The following ASPH variants were observed in gnomAD, a reference collection of about 807,000 sequenced individuals.
ASPH encodes the protein aspartate beta-hydroxylase.
In ASPH, 100 loss-of-function variants were observed where a neutral mutation model predicts 118.4. The ratio of observed to expected loss-of-function variants is 0.84; its 90% CI spans 0.72 to 1.00. ASPH has a LOEUF of 1.00. ASPH is among the 50% of genes least tolerant of loss of function. ASPH has a pLI of 0.00. For missense variants in ASPH, 920 were observed against 919.5 expected (o/e 1.00, Z -0.01); for synonymous variants, 315 against 325.6 (o/e 0.97, Z 0.35).
intron 21 of ASPH, among the ~76,000 whole-genome samples, chr8:61,546,568 C>G (rs776103790): frequency 3.2e-4 from 49 of 152,202 alleles, no homozygotes; most frequent in Non-Finnish European, 6.2e-4. Flanking sequence ...AAAAATCAAT[C>G]TGTATTAATT....
At chr8:61,628,060 C>T (rs1037342704) in intron 13 of ASPH, among the ~76,000 whole-genome samples, 3 of 152,088 alleles carry the variant, frequency 2.0e-5, no homozygotes, top group Non-Finnish European at 4.4e-5. Context: ...TCTTACTAGT[C>T]TCTACCTCCT....
At chr8:61,668,836 T>A (rs373386038) in intron 3 of ASPH, among the ~76,000 whole-genome samples, 1 of 152,216 alleles carries the variant, frequency 6.6e-6, no homozygotes, top group Non-Finnish European at 1.5e-5. Flanking sequence ...CTCTAAAAAC[T>A]TTGCAATAGC....
rs1245419350 is a variant in ASPH, at chr8:61,502,474, C to T, written c.*885G>A. 1.3e-5 allele frequency: 2 copies of T among 152,160 alleles called. No individual in the cohort carries two copies. Among genetic ancestry groups the T allele is most frequent in the African/African-American group, 4.8e-5 (2 of 41,424 alleles). 9.4% of individuals were successfully genotyped at this position (152,160 alleles called of 1,614,324 possible). On this transcript the variant is annotated 3_prime_UTR_variant, in exon 25 of 25. Coordinates refer to ENST00000379454, the MANE Select transcript of ASPH (RefSeq NM_004318.4). ...GGCAAAGCCGCCAGGAGCCAGACAC[C>T]CTAGCAGCCACCTATCCACCCAACC...
intron 24 of ASPH, among the ~76,000 whole-genome samples, chr8:61,505,655 A>G (rs775037715): frequency 5.3e-5 from 8 of 152,126 alleles, no homozygotes; most frequent in Non-Finnish European, 1.0e-4. Flanking sequence ...ACCTTGCCTC[A>G]TCTCTTGCAT....
chr8:61,570,431 G>C lies in ASPH; in HGVS notation c.1150-3113C>G, dbSNP rs147682699. 1.3e-3 allele frequency among the ~76,000 whole-genome samples: 205 copies of C among 152,212 alleles called. 2 individuals carry two copies. Among genetic ancestry groups the C allele is most frequent in the African/African-American group, 4.9e-3 (202 of 41,534 alleles). On this transcript the variant is annotated intron_variant, in intron 16 of 24. Transcript: ENST00000379454. ...AACTGGAGGTCTCTGTAGCATTAGTGGGAGGACAAATGCCTACCAAGATAA... is the reference window on the plus strand; with the variant it reads ...AACTGGAGGTCTCTGTAGCATTAGTCGGAGGACAAATGCCTACCAAGATAA...
At position 61,588,757 on chromosome 8, in the gene ASPH, C is replaced by G. The variant is rs1292290897; in HGVS notation, c.977-4728G>C. On this transcript the variant is annotated intron_variant, in intron 14 of 24. Transcript: ENST00000379454. ...GGATGCCCTCCTAGCAATCCTGCTC[C>G]TAATTACGGACCCAAGAAAAATGAA... Among the ~76,000 whole-genome samples, 3 of 152,162 alleles carry G rather than the reference C, an allele frequency of 2.0e-5. No homozygotes were observed. The East Asian group carries it at 5.8e-4, about 29-fold the overall frequency.
chr8:61,659,930 T>C (rs1815880132), intron 3 of ASPH: 1 of 152,116 alleles, frequency 6.6e-6, no homozygotes, highest in African/African-American at 2.4e-5. Context: ...AAACTATTGT[T>C]GACCAATAAT....
At chr8:61,607,443 C>A (rs1845919647) in intron 14 of ASPH, 2 of 577,684 alleles carry the variant, frequency 3.5e-6, no homozygotes, top group African/African-American at 1.9e-5. Context: ...TCTACCATGA[C>A]CAACTCAACA....
At chr8:61,535,175 A>G (rs1819035353) in intron 21 of ASPH, among the ~76,000 whole-genome samples, 1 of 152,236 alleles carries the variant, frequency 6.6e-6, no homozygotes, top group Non-Finnish European at 1.5e-5. Context: ...CGTGGGGAGT[A>G]GAATTTCAGA....
At chr8:61,570,768 G>A (rs868783048) in intron 16 of ASPH, among the ~76,000 whole-genome samples, 196 of 152,270 alleles carry the variant, frequency 1.3e-3, no homozygotes, top group African/African-American at 4.5e-3. Flanking sequence ...TGTTAACATC[G>A]CAAAGCCTTT....
chr8:61,562,293 T>TGAGC (rs75259009), intron 18 of ASPH, among the ~76,000 whole-genome samples: 1 of 144,626 alleles, frequency 6.9e-6, no homozygotes, highest in Non-Finnish European at 1.5e-5. Context: ...TGCTGAAAAG[T>TGAGC]AATTTATGTC....
At chr8:61,536,481 A>G (rs919236146) in intron 21 of ASPH, among the ~76,000 whole-genome samples, 1 of 152,200 alleles carries the variant, frequency 6.6e-6, no homozygotes, top group African/African-American at 2.4e-5. Flanking sequence ...GCAGAGGAGT[A>G]GGAAAGCTTT....
At chr8:61,647,383 T>C (rs1246524370) in intron 5 of ASPH, among the ~76,000 whole-genome samples, 5 of 152,164 alleles carry the variant, frequency 3.3e-5, no homozygotes, top group East Asian at 3.9e-4. Context: ...CTAAATTATA[T>C]GCTAGGGCCA....
intron 13 of ASPH, chr8:61,624,644 G>A (rs928946007): frequency 1.0e-6 from 1 of 985,128 alleles, no homozygotes; most frequent in Non-Finnish European, 1.2e-6. Context: ...TAAAGACAAG[G>A]CTCATTAATT....
At chr8:61,579,682 C>T (rs1022271256) in intron 15 of ASPH, 29 of 1,289,642 alleles carry the variant, frequency 2.2e-5, no homozygotes, top group Middle Eastern at 2.3e-4. Context: ...ACAGCTGTGG[C>T]AGCCCCTCCC....
chr8:61,619,244 C>T (rs1391191618), intron 13 of ASPH, among the ~76,000 whole-genome samples: 1 of 152,156 alleles, frequency 6.6e-6, no homozygotes, highest in Non-Finnish European at 1.5e-5. Flanking sequence ...TCACCAAGCA[C>T]TGACTAGGCA....
chr8:61,653,744 C>T, intron 3 of ASPH, 84 bp from the exon 4 acceptor site: 6 of 1,348,154 alleles, frequency 4.5e-6, no homozygotes, highest in South Asian at 4.1e-5. Context: ...TATTTTCAAA[C>T]ATTTAATTAA....
intron 16 of ASPH, among the ~76,000 whole-genome samples, chr8:61,574,704 G>A (rs1357323662): frequency 1.3e-5 from 2 of 152,124 alleles, no homozygotes; most frequent in African/African-American, 2.4e-5. Context: ...GTCGGGTGGG[G>A]GGCTAGGGGA....
chr8:61,545,501 C>T (rs879114437), intron 21 of ASPH, among the ~76,000 whole-genome samples: 4 of 152,064 alleles, frequency 2.6e-5, no homozygotes, highest in Admixed American at 6.5e-5. Flanking sequence ...ATGTTCACAC[C>T]GAATGTTAAT....
Sources: gnomAD v4.1 joint callset for allele counts (sites outside exome capture counted in the v4.1 genomes callset) on GRCh38, gnomAD v4.1.1 for gene constraint, MANE v1.5 for transcripts, NCBI Gene and HGNC (gene_info 2026-07-23, HGNC 2026-07-21) for gene names.